The following TFDP2 variants were observed in gnomAD, a reference collection of about 807,000 sequenced individuals.
TFDP2 encodes transcription factor Dp-2.
A neutral mutation model predicts 59.3 loss-of-function variants in TFDP2; 17 were observed. The ratio of observed to expected loss-of-function variants is 0.29; its 90% CI spans 0.20 to 0.43. The LOEUF is 0.43. TFDP2 is among the 20% of genes least tolerant of loss of function. The probability of loss-of-function intolerance (pLI) is 1.00; values close to 1 mark genes in which losing one functional copy is unlikely to be tolerated. For missense variants in TFDP2, 391 were observed against 528.8 expected (o/e 0.74, Z 2.56); for synonymous variants, 180 against 194.7 (o/e 0.92, Z 0.63).
intron 3 of TFDP2, chr3:142,043,553 G>T (rs1947136733): frequency 2.9e-6 from 2 of 679,150 alleles, no homozygotes; most frequent in Non-Finnish European, 5.2e-6. Flanking sequence ...AGCAGATAAA[G>T]GTTTCTTTTA....
At chr3:141,964,430 T>C (rs929344993) in intron 9 of TFDP2, among the ~76,000 whole-genome samples, 30 of 152,196 alleles carry the variant, frequency 2.0e-4, no homozygotes, top group Admixed American at 2.6e-4. Flanking sequence ...AGCAGGTTGA[T>C]TGCTTGAGTC....
intron 3 of TFDP2, among the ~76,000 whole-genome samples, chr3:142,034,212 C>CA (rs1309536965): frequency 6.6e-6 from 1 of 151,678 alleles, no homozygotes; most frequent in Non-Finnish European, 1.5e-5. Context: ...TCTCCCGCCT[C>CA]AGCCTCCAGA....
chr3:141,987,231 T>C (rs1942193276), intron 6 of TFDP2, among the ~76,000 whole-genome samples: 2 of 152,128 alleles, frequency 1.3e-5, no homozygotes, highest in Non-Finnish European at 2.9e-5. Flanking sequence ...GAAAGCTTTT[T>C]ATTCACTACT....
chr3:142,088,497 A>C (rs1387656608), intron 3 of TFDP2, among the ~76,000 whole-genome samples: 1 of 151,330 alleles, frequency 6.6e-6, no homozygotes, highest in African/African-American at 2.4e-5. Flanking sequence ...CACCTGGCTA[A>C]TTTCTGTATT....
At position 142,028,608 on chromosome 3, in the gene TFDP2, A is replaced by T. The variant is rs118172866; in HGVS notation, c.83-23064T>A. The T allele has an allele frequency of 4.2e-4, 416 of 985,450 alleles. 6 individuals are homozygous for T. In the East Asian group the frequency reaches 0.036, roughly 86 times the overall value. 61.0% of individuals were successfully genotyped at this position (985,450 alleles called of 1,614,324 possible). A position where few individuals can be genotyped will look rare whatever the true frequency, so the allele number is the denominator to read the frequency against. ...TCTAAGGAAGCATGCCTCTCACTGC[A>T]GTACCAACAACATTCTACAGTCTTT... On this transcript the variant is annotated intron_variant, in intron 3 of 12. Transcript: ENST00000489671.
chr3:142,042,116 A>G (rs1947005165), intron 3 of TFDP2, among the ~76,000 whole-genome samples: 2 of 152,128 alleles, frequency 1.3e-5, no homozygotes, highest in Non-Finnish European at 2.9e-5. Flanking sequence ...GTTTTTGACA[A>G]TTCCTGAGTC....
chr3:142,022,992 C>T (rs930784556), intron 3 of TFDP2, among the ~76,000 whole-genome samples: 1 of 151,086 alleles, frequency 6.6e-6, no homozygotes, highest in African/African-American at 2.4e-5. Flanking sequence ...CAGTGGCATG[C>T]GCCCGTAGTC....
chr3:142,011,746 C>T (rs1944725964), intron 3 of TFDP2, among the ~76,000 whole-genome samples: 1 of 151,712 alleles, frequency 6.6e-6, no homozygotes, highest in African/African-American at 2.4e-5. Context: ...GCAAAACAGG[C>T]ACATTTTAAA....
intron 3 of TFDP2, among the ~76,000 whole-genome samples, chr3:142,055,622 A>C (rs2059713400): frequency 6.6e-6 from 1 of 152,230 alleles, no homozygotes; most frequent in South Asian, 2.1e-4. Flanking sequence ...CATGTCCTTA[A>C]AACCTATTAT....
chr3:141,959,994 G>C (rs1004838852), intron 10 of TFDP2, among the ~76,000 whole-genome samples, 154 bp from the exon 11 acceptor site: 10 of 152,184 alleles, frequency 6.6e-5, no homozygotes, highest in African/African-American at 2.4e-4. Flanking sequence ...ATTCTGCTCT[G>C]TCAGGGGAAT....
rs951594692 is a variant in TFDP2 at position 142,121,302 on chromosome 3, A to C, written c.-92-19461T>G. Among the ~76,000 whole-genome samples, 1 of 152,182 alleles carries C rather than the reference A, an allele frequency of 6.6e-6. No individual in the cohort carries two copies. The highest frequency in any genetic ancestry group is 2.4e-5 in the African/African-American group (1 of 41,436). Reference sequence around the variant, plus strand: ...GAGACATAACGGAGTCCCACCCTTCAAGAAGTTCACAAACAAATGAGCAAG... The same window carrying C: ...GAGACATAACGGAGTCCCACCCTTCCAGAAGTTCACAAACAAATGAGCAAG... On this transcript the variant is annotated intron_variant, in intron 1 of 12. Coordinates refer to ENST00000489671, the MANE Select transcript of TFDP2 (RefSeq NM_001178139.2). This position sits in a 1 kb window ranked among gnomAD's most constrained non-coding sequence, Gnocchi z 4.3.
At chr3:142,008,474 T>C (rs1308251773) in intron 3 of TFDP2, among the ~76,000 whole-genome samples, 1 of 152,028 alleles carries the variant, frequency 6.6e-6, no homozygotes, top group Non-Finnish European at 1.5e-5. Context: ...TCCCTCCACA[T>C]GTACCCCACA....
At chr3:142,129,592 C>T (rs1330888918) in intron 1 of TFDP2, among the ~76,000 whole-genome samples, 1 of 151,946 alleles carries the variant, frequency 6.6e-6, no homozygotes, top group Non-Finnish European at 1.5e-5. Context: ...TAAAGAACCC[C>T]TATAATGCAA....
intron 3 of TFDP2, among the ~76,000 whole-genome samples, chr3:142,007,105 T>G (rs918360611): frequency 9.9e-5 from 15 of 152,194 alleles, no homozygotes; most frequent in Non-Finnish European, 1.9e-4. Context: ...TGCTCTGCAC[T>G]TTCTGCCTCT....
rs569753155 is a variant in TFDP2, at chr3:142,119,343, C to T, written c.-92-17502G>A. On this transcript the variant is annotated intron_variant, in intron 1 of 12. Coordinates refer to ENST00000489671, the MANE Select transcript of TFDP2 (RefSeq NM_001178139.2). ...TCCGAGCAAAAAGATAAATTATTTA[C>T]AAAAGCAAAGGAATTAGACTAACAT... Among the ~76,000 whole-genome samples, 146 of 152,062 alleles carry T rather than the reference C, an allele frequency of 9.6e-4. 3 individuals are homozygous for T. In the South Asian group the frequency reaches 0.03, roughly 31 times the overall value.
At chr3:141,973,957 ATATTT>A in intron 8 of TFDP2, 86 bp downstream of exon 8, 5 of 1,419,906 alleles carry the variant, frequency 3.5e-6, no homozygotes, top group Non-Finnish European at 4.7e-6. Flanking sequence ...AAAATTGGAA[ATATTT>A]TATATTAGAA....
chr3:142,051,027 T>C (rs946923718), intron 3 of TFDP2, among the ~76,000 whole-genome samples: 2 of 152,246 alleles, frequency 1.3e-5, no homozygotes, highest in Admixed American at 6.5e-5. Flanking sequence ...CAAACAACTT[T>C]GTAAAATAAC....
chr3:141,953,314 C>CTTATCT (rs1936147762), intron 11 of TFDP2, among the ~76,000 whole-genome samples: 1 of 152,180 alleles, frequency 6.6e-6, no homozygotes, highest in Admixed American at 6.5e-5. Context: ...CCCTCCAGAG[C>CTTATCT]ACAGCCCATG....
At position 142,121,797 on chromosome 3, in the gene TFDP2, G is replaced by A. The variant is rs1577033993; in HGVS notation, c.-92-19956C>T. ...ACGGAACACCTGAGGTCAGGAGTTC[G>A]AGACCAGCCTGACCAACACAGAGAA... is the stretch of plus-strand genomic sequence containing the variant. On this transcript the variant is annotated intron_variant, in intron 1 of 12. Coordinates refer to ENST00000489671, the MANE Select transcript of TFDP2 (RefSeq NM_001178139.2). This position sits in a 1 kb window ranked among gnomAD's most constrained non-coding sequence, Gnocchi z 4.3. Among the ~76,000 whole-genome samples the A allele has an allele frequency of 2.0e-5, 3 of 151,896 alleles. No individual in the cohort carries two copies. Among genetic ancestry groups the A allele is most frequent in the South Asian group, 4.2e-4 (2 of 4,806 alleles).
Sources: allele counts gnomAD v4.1 joint callset (sites outside exome capture counted in the v4.1 genomes callset), GRCh38; gene constraint gnomAD v4.1.1; non-coding constraint Gnocchi (gnomAD v3.1); transcripts MANE v1.5; gene names NCBI Gene and HGNC (gene_info 2026-07-23, HGNC 2026-07-21).